CLCC1: variants seen among roughly 807,000 people sequenced by gnomAD.
The protein encoded by CLCC1 is chloride channel CLIC like 1.
In CLCC1, 39 loss-of-function variants were observed where a neutral mutation model predicts 63.3. The ratio of observed to expected loss-of-function variants is 0.62; its 90% CI spans 0.48 to 0.81. CLCC1 has a LOEUF of 0.81. CLCC1 is among the 30% of genes least tolerant of loss of function. The pLI is 0.00. For synonymous variants in CLCC1, 217 were observed against 239.8 expected (o/e 0.90, Z 0.88); for missense variants, 549 against 669.4 (o/e 0.82, Z 1.98).
At chr1:108,938,764 A>C (rs1389251175) in intron 10 of CLCC1, among the ~76,000 whole-genome samples, 1 of 152,172 alleles carries the variant, frequency 6.6e-6, no homozygotes, top group East Asian at 1.9e-4. Flanking sequence ...GCAAAAACTG[A>C]CTAGAAATAA....
chr1:108,942,816 A>G (rs1338117478), intron 7 of CLCC1, among the ~76,000 whole-genome samples: 2 of 152,246 alleles, frequency 1.3e-5, no homozygotes, highest in Non-Finnish European at 2.9e-5. Context: ...ATTTTTAAAA[A>G]ATAATATTTT....
At chr1:108,941,980 T>C (rs933494499) in intron 7 of CLCC1, among the ~76,000 whole-genome samples, 4 of 152,218 alleles carry the variant, frequency 2.6e-5, no homozygotes, top group South Asian at 2.1e-4. Context: ...CATGGAAAAG[T>C]ACAGCCTTAA....
chr1:108,934,976 A>T, intron 11 of CLCC1, 34 bp from the exon 12 acceptor site: 1 of 1,553,606 alleles, frequency 6.4e-7, no homozygotes, highest in East Asian at 2.3e-5. Flanking sequence ...TAACTGTTTA[A>T]TGTAATGTGA....
In CLCC1 at chr1:108,931,678, AT is replaced by A. The variant is rs1283584509; in HGVS notation, c.*868del. 1.3e-6 allele frequency: 1 copy of A among 747,240 alleles called. No homozygotes were observed. The highest frequency in any genetic ancestry group is 3.5e-5 in the Admixed American group (1 of 28,342). The allele number at this position is 747,240 out of a possible 1,614,324, so 46.3% of individuals were successfully genotyped here. A position where few individuals can be genotyped will look rare whatever the true frequency, so the allele number is the denominator to read the frequency against. On this transcript the variant is annotated 3_prime_UTR_variant, in exon 13 of 13. Transcript: ENST00000369969. ...TACAACCTGGATTACATTATGTTTC[AT>A]GTATACTATAAGGTATGATGTCCTG...
chr1:108,943,520 G>C lies in CLCC1; in HGVS notation c.657C>G (p.Ile219Met), dbSNP rs1441938153. ...WYTQLRRVLIISFLFSLGWNW... is the reference protein window; with the variant it reads ...WYTQLRRVLIMSFLFSLGWNW... ...TCCATCCCAAACTGAACAGAAAGCT[G>C]ATGATTAAAACACGTCTCAACTGAG... The change falls in exon 7 of 13, where the codon ATC becomes ATG. Residue 219 changes from isoleucine (I) to methionine (M), a missense_variant. Ile to Met is a conservative substitution (Grantham distance 10). Coordinates refer to ENST00000369969, the MANE Select transcript of CLCC1 (RefSeq NM_001377458.1). 1 of 1,614,078 alleles carries C rather than the reference G, an allele frequency of 6.2e-7. No individual in the cohort carries two copies. The highest frequency in any genetic ancestry group is 8.5e-7 in the Non-Finnish European group (1 of 1,179,966).
chr1:108,951,316 A>C (rs1395891220), intron 2 of CLCC1, among the ~76,000 whole-genome samples: 1 of 152,226 alleles, frequency 6.6e-6, no homozygotes, highest in Non-Finnish European at 1.5e-5. Flanking sequence ...TGGGAGGCAG[A>C]GGTTGCAGTG....
At chr1:108,935,393 T>TA (rs1210573970) in intron 11 of CLCC1, among the ~76,000 whole-genome samples, 2 of 152,278 alleles carry the variant, frequency 1.3e-5, no homozygotes, top group East Asian at 1.9e-4. Context: ...AGAGGCTATG[T>TA]AAAAAAAGCA....
In CLCC1 at chr1:108,939,617, CTA is replaced by C. The variant is rs781246839; in HGVS notation, c.1041+17_1041+18del. 1.1e-5 allele frequency: 18 copies of C among 1,611,628 alleles called. No homozygotes were observed. Among genetic ancestry groups the C allele is most frequent in the Non-Finnish European group, 2.5e-6 (3 of 1,178,794 alleles). On this transcript the variant is annotated intron_variant, in intron 10 of 12. Transcript: ENST00000369969. ...AGCCACCGCGCCTGGCCCGACAGTG[CTA>C]ATATATTAATACTAACCAGGATGGC...
At chr1:108,947,575 A>T (rs1326440589) in intron 5 of CLCC1, 36 bp downstream of exon 5, 2 of 1,186,772 alleles carry the variant, frequency 1.7e-6, no homozygotes, top group South Asian at 2.8e-5. Flanking sequence ...AAAAATATAC[A>T]CTATACGGAT....
At chr1:108,946,266 C>T (rs887877047) in intron 5 of CLCC1, among the ~76,000 whole-genome samples, 3 of 148,662 alleles carry the variant, frequency 2.0e-5, no homozygotes, top group Non-Finnish European at 4.5e-5. Context: ...GCGGAGATTG[C>T]GCCACTGCAC....
intron 1 of CLCC1, 35 bp downstream of exon 1, chr1:108,963,326 C>A: frequency 1.5e-6 from 1 of 689,240 alleles, no homozygotes. Context: ...ACCCGCCCCA[C>A]CCGCCGCACA....
intron 12 of CLCC1, chr1:108,933,819 C>T (rs1222675887): frequency 6.6e-6 from 1 of 152,190 alleles, no homozygotes; most frequent in African/African-American, 2.4e-5. Context: ...TCATGGTATT[C>T]TCTATGTATA....
intron 2 of CLCC1, among the ~76,000 whole-genome samples, chr1:108,960,740 T>C (rs540265739): frequency 1.3e-5 from 2 of 152,198 alleles, no homozygotes; most frequent in South Asian, 4.1e-4. Flanking sequence ...TTTGCATTTC[T>C]AACACTGTGA....
At chr1:108,954,456 T>TGCCACTTCACTCCA (rs1553222787) in intron 2 of CLCC1, among the ~76,000 whole-genome samples, 6 of 151,200 alleles carry the variant, frequency 4.0e-5, no homozygotes, top group Admixed American at 3.3e-4. Context: ...GCCGAGATCG[T>TGCCACTTCACTCCA]GCCACTTCAC....
At chr1:108,954,774 C>T (rs1655651822) in intron 2 of CLCC1, among the ~76,000 whole-genome samples, 1 of 150,590 alleles carries the variant, frequency 6.6e-6, no homozygotes, top group South Asian at 2.1e-4. Context: ...TTCATTTGTT[C>T]AACATTTACC....
chr1:108,933,038 G>A (rs895185403), intron 12 of CLCC1: 1 of 152,200 alleles, frequency 6.6e-6, no homozygotes, highest in Non-Finnish European at 1.5e-5. Flanking sequence ...GTACCACCAT[G>A]CCTGGCTAGT....
At chr1:108,944,312 A>C (rs890827022) in intron 5 of CLCC1, among the ~76,000 whole-genome samples, 39 of 152,108 alleles carry the variant, frequency 2.6e-4, no homozygotes, top group Non-Finnish European at 4.3e-4. Context: ...TCTACAAAAA[A>C]TTCTAACCAT....
At chr1:108,961,201 G>A (rs184495982) in intron 2 of CLCC1, among the ~76,000 whole-genome samples, 2 of 150,990 alleles carry the variant, frequency 1.3e-5, no homozygotes, top group African/African-American at 4.9e-5. Context: ...ACTGATTGAA[G>A]GCTGGAACTC....
At chr1:108,951,250 C>T (rs1312302382) in intron 2 of CLCC1, among the ~76,000 whole-genome samples, 4 of 152,124 alleles carry the variant, frequency 2.6e-5, no homozygotes, top group Admixed American at 6.5e-5. Context: ...GGCGTGGTAG[C>T]GCAAGCCAGT....
Sources: allele counts gnomAD v4.1 joint callset (sites outside exome capture counted in the v4.1 genomes callset), GRCh38; gene constraint gnomAD v4.1.1; transcripts MANE v1.5; gene names NCBI Gene and HGNC (gene_info 2026-07-23, HGNC 2026-07-21).